The following MTA3 variants were observed in gnomAD, a reference collection of about 807,000 sequenced individuals.
MTA3 encodes the protein metastasis associated 1 family member 3.
MTA3 carries 34 observed loss-of-function variants against 83.5 expected under a neutral mutation model. The ratio of observed to expected loss-of-function variants is 0.41; its 90% CI spans 0.31 to 0.54. MTA3 has a LOEUF of 0.54. Among genes scored for constraint, MTA3 ranks in the 20% least tolerant of loss-of-function variants. The probability of loss-of-function intolerance (pLI) is 0.33; values close to 1 mark genes in which losing one functional copy is unlikely to be tolerated. For synonymous variants in MTA3, 303 were observed against 252.7 expected (o/e 1.20, Z -1.89); for missense variants, 761 against 726.4 (o/e 1.05, Z -0.55).
intron 4 of MTA3, among the ~76,000 whole-genome samples, chr2:42,624,395 C>G (rs1016805605): frequency 2.0e-5 from 3 of 151,958 alleles, no homozygotes; most frequent in African/African-American, 7.3e-5. Context: ...GATCTTGGCT[C>G]ACTGCAACCT....
intron 2 of MTA3, among the ~76,000 whole-genome samples, chr2:42,514,194 C>T (rs867715645): frequency 1.3e-5 from 2 of 151,786 alleles, no homozygotes; most frequent in South Asian, 2.1e-4. Flanking sequence ...AGCTGGGCGA[C>T]GGAATGAGAC....
At position 42,756,327 on chromosome 2, in the gene MTA3, C is replaced by G. The variant is rs1356894644; in HGVS notation, c.*2928C>G. The G allele has an allele frequency of 2.5e-6, 1 of 405,728 alleles. No individual in the cohort carries two copies. The highest frequency in any genetic ancestry group is 2.2e-5 in the African/African-American group (1 of 46,126). The allele number at this position is 405,728 out of a possible 1,614,324, so 25.1% of individuals were successfully genotyped here. ...GAGAGGGGGCCCCAGCCTCTCCCCT[C>G]CTCTTGGCCTCCAGAGTCCTGCAGG... On this transcript the variant is annotated 3_prime_UTR_variant, in exon 17 of 17. Transcript: ENST00000405094.
intron 16 of MTA3, among the ~76,000 whole-genome samples, chr2:42,737,088 G>A (rs1180399372): frequency 6.6e-6 from 1 of 152,210 alleles, no homozygotes; most frequent in Non-Finnish European, 1.5e-5. Flanking sequence ...TGCTGCCTGA[G>A]ACTGGGGGAA....
chr2:42,534,915 A>C (rs1676150906), intron 2 of MTA3, among the ~76,000 whole-genome samples: 1 of 151,984 alleles, frequency 6.6e-6, no homozygotes, highest in Non-Finnish European at 1.5e-5. Context: ...GAGCCACTGC[A>C]CCTGGCCTGT....
At chr2:42,524,613 C>T (rs548946620) in intron 2 of MTA3, among the ~76,000 whole-genome samples, 6 of 151,424 alleles carry the variant, frequency 4.0e-5, no homozygotes, top group South Asian at 2.1e-4. Flanking sequence ...TGTGAGCCAC[C>T]GCGCCCCGCC....
intron 12 of MTA3, among the ~76,000 whole-genome samples, chr2:42,705,098 T>A (rs1665957155): frequency 6.6e-6 from 1 of 152,322 alleles, no homozygotes; most frequent in Non-Finnish European, 1.5e-5. Flanking sequence ...TGTAGCCTAC[T>A]GCCTTCAGGA....
At chr2:42,729,735 A>G (rs1402833467) in intron 16 of MTA3, among the ~76,000 whole-genome samples, 1 of 152,080 alleles carries the variant, frequency 6.6e-6, no homozygotes, top group Non-Finnish European at 1.5e-5. Flanking sequence ...TGATTTTTCC[A>G]GTTTTGTTCC....
intron 2 of MTA3, among the ~76,000 whole-genome samples, chr2:42,508,766 TATATA>T (rs1042147685): frequency 1.4e-5 from 2 of 147,116 alleles, no homozygotes; most frequent in Admixed American, 6.9e-5. Flanking sequence ...TATATAGTAT[TATATA>T]ATATATTTAA....
intron 2 of MTA3, among the ~76,000 whole-genome samples, chr2:42,528,923 C>T (rs1225574503): frequency 1.3e-5 from 2 of 152,128 alleles, no homozygotes; most frequent in African/African-American, 2.4e-5. Context: ...TACCCTGCAG[C>T]GTTTGCCTTA....
At chr2:42,715,131 C>T (rs76829867) in intron 14 of MTA3, among the ~76,000 whole-genome samples, 2,380 of 152,196 alleles carry the variant, frequency 0.016, 53 homozygotes, top group African/African-American at 0.054. Context: ...TGCATATCTC[C>T]CTGTTGAAGT....
At chr2:42,695,001 C>T (rs1693246441) in intron 9 of MTA3, among the ~76,000 whole-genome samples, 1 of 152,026 alleles carries the variant, frequency 6.6e-6, no homozygotes, top group Non-Finnish European at 1.5e-5. Flanking sequence ...ATTAGCCGGG[C>T]ATGGTGTCAC....
intron 5 of MTA3, 78 bp downstream of exon 5, chr2:42,640,314 T>G (rs1194572884): frequency 2.8e-6 from 3 of 1,055,830 alleles, no homozygotes; most frequent in Admixed American, 5.0e-5. Flanking sequence ...TTTATTTCTT[T>G]TTGTACAAAA....
At chr2:42,629,362 A>G (rs1238828548) in intron 4 of MTA3, among the ~76,000 whole-genome samples, 1 of 152,116 alleles carries the variant, frequency 6.6e-6, no homozygotes, top group Admixed American at 6.6e-5. Context: ...TACAGGCGTG[A>G]TCCACCGTGC....
Position 42,704,275 on chromosome 2 carries a change from G to A in MTA3, c.1107G>A (p.Gln369=), listed in dbSNP as rs868279447. The A allele has an allele frequency of 5.0e-6, 8 of 1,613,880 alleles. No homozygotes were observed. Among genetic ancestry groups the A allele is most frequent in the Non-Finnish European group, 5.1e-6 (6 of 1,179,876 alleles). ...AVNGAVGTTF[Q]PQNPLLGRAC... ...ATGGAGCTGTGGGGACCACGTTCCA[G>A]CCTCAGAATCCTCTCTTAGGGAGAG... is the stretch of plus-strand genomic sequence containing the variant. Residue 369 remains glutamine (Q), a synonymous_variant, in exon 12 of 17, where the codon CAG becomes CAA. Coordinates refer to ENST00000405094, the MANE Select transcript of MTA3 (RefSeq NM_001330442.2).
intron 2 of MTA3, among the ~76,000 whole-genome samples, chr2:42,557,809 G>T (rs759535229): frequency 7.2e-5 from 11 of 152,142 alleles, no homozygotes; most frequent in Non-Finnish European, 1.0e-4. Context: ...TACAGATAAA[G>T]ATAAAAGGAA....
intron 12 of MTA3, among the ~76,000 whole-genome samples, chr2:42,704,958 T>C (rs887903083): frequency 6.6e-6 from 1 of 152,204 alleles, no homozygotes; most frequent in Non-Finnish European, 1.5e-5. Flanking sequence ...TAATGGGGCA[T>C]TGGTGATATT....
intron 4 of MTA3, 124 bp downstream of exon 4, chr2:42,609,708 A>C: frequency 6.2e-6 from 7 of 1,126,184 alleles, no homozygotes; most frequent in Non-Finnish European, 8.6e-6. Context: ...AAGGCTTCAT[A>C]ATGGAATTTT....
intron 3 of MTA3, among the ~76,000 whole-genome samples, chr2:42,607,101 GGTAGA>G (rs1307752366): frequency 4.1e-3 from 46 of 11,140 alleles, no homozygotes; most frequent in African/African-American, 0.032. Context: ...TAGGGGTAGA[GGTAGA>G]GGTAGAGGTA....
intron 14 of MTA3, among the ~76,000 whole-genome samples, chr2:42,709,931 G>A (rs1666457711): frequency 6.6e-6 from 1 of 151,978 alleles, no homozygotes; most frequent in African/African-American, 2.4e-5. Context: ...ATTGTGGATC[G>A]TTTTGTCATT....
Sources: gnomAD v4.1 joint callset for allele counts (sites outside exome capture counted in the v4.1 genomes callset) on GRCh38, gnomAD v4.1.1 for gene constraint, MANE v1.5 for transcripts, NCBI Gene and HGNC (gene_info 2026-07-23, HGNC 2026-07-21) for gene names.